The following TENM3 variants were observed in gnomAD, a reference collection of about 807,000 sequenced individuals.
The protein encoded by TENM3 is teneurin-3.
TENM3 carries 63 observed loss-of-function variants against 255.1 expected under a neutral mutation model. That is an observed-to-expected ratio of 0.25 (90% confidence interval 0.20 to 0.30). The LOEUF (loss-of-function observed/expected upper bound fraction) is 0.30. Ranked by LOEUF, TENM3 falls within the 10% of genes least tolerant of loss-of-function variation. The probability of loss-of-function intolerance (pLI) is 1.00; values close to 1 mark genes in which losing one functional copy is unlikely to be tolerated. For synonymous variants in TENM3, 1,306 were observed against 1,322.3 expected (o/e 0.99, Z 0.27); for missense variants, 2,929 against 3,461.1 (o/e 0.85, Z 3.86).
intron 3 of TENM3, among the ~76,000 whole-genome samples, chr4:182,545,689 A>C (rs1348439519): frequency 6.6e-6 from 1 of 152,016 alleles, no homozygotes; most frequent in African/African-American, 2.4e-5. Context: ...GCCCCTGTCA[A>C]CTGGTATGGC....
At chr4:181,629,906 G>A in the TENM3 span, among the ~76,000 whole-genome samples, 1 of 152,216 alleles carries the variant, frequency 6.6e-6, no homozygotes, top group African/African-American at 2.4e-5. Context: ...AGTTTCAGAA[G>A]GAATGGTACC....
intron 1 of TENM3, among the ~76,000 whole-genome samples, chr4:182,274,981 C>T (rs1759901051): frequency 6.6e-6 from 1 of 152,118 alleles, no homozygotes; most frequent in Admixed American, 6.6e-5. Flanking sequence ...CGCACCACCA[C>T]ACCTGGCTAA....
intron 24 of TENM3, among the ~76,000 whole-genome samples, chr4:182,784,338 TGGG>T (rs531784966): frequency 6.6e-6 from 1 of 151,958 alleles, no homozygotes; most frequent in Admixed American, 6.6e-5. Context: ...GTGCCCCTGC[TGGG>T]GGGTGCCTCC....
chr4:182,243,205 C>A (rs1414631187), upstream of TENM3, among the ~76,000 whole-genome samples: 1 of 152,172 alleles, frequency 6.6e-6, no homozygotes, highest in Non-Finnish European at 1.5e-5. Flanking sequence ...ACTTCCACCT[C>A]CCGGGTTCAA....
chr4:182,140,986 T>TCCCA (rs199951374), upstream of TENM3, among the ~76,000 whole-genome samples: 2 of 115,654 alleles, frequency 1.7e-5, no homozygotes, highest in Non-Finnish European at 3.7e-5. Flanking sequence ...GCCCATTATA[T>TCCCA]CCCTCCCCCC....
At chr4:182,340,412 G>A (rs1011826835) in intron 2 of TENM3, among the ~76,000 whole-genome samples, 1 of 152,124 alleles carries the variant, frequency 6.6e-6, no homozygotes. Context: ...GTGGTTATGG[G>A]TATTAACAAC....
chr4:181,832,771 T>G, the TENM3 span, among the ~76,000 whole-genome samples: 9 of 152,342 alleles, frequency 5.9e-5, no homozygotes, highest in Admixed American at 5.9e-4. Flanking sequence ...GCCTTGGGGC[T>G]GGTCGAGGAT....
At chr4:181,600,879 G>A in the TENM3 span, among the ~76,000 whole-genome samples, 1 of 151,730 alleles carries the variant, frequency 6.6e-6, no homozygotes, top group Non-Finnish European at 1.5e-5. Flanking sequence ...GTCTCAATTT[G>A]GGTTCAGGTG....
chr4:181,839,372 T>C, the TENM3 span, among the ~76,000 whole-genome samples: 890 of 55,974 alleles, frequency 0.016, 42 homozygotes, highest in African/African-American at 0.042. Context: ...TATATATATA[T>C]ATATATATAT....
intron 16 of TENM3, among the ~76,000 whole-genome samples, chr4:182,736,340 G>T (rs1403816555): frequency 6.6e-6 from 1 of 152,200 alleles, no homozygotes; most frequent in Middle Eastern, 3.2e-3. Flanking sequence ...CTGCATCCCT[G>T]TTCTGAGCTA....
At chr4:182,486,323 A>C (rs796394986) in intron 3 of TENM3, among the ~76,000 whole-genome samples, 1 of 4,022 alleles carries the variant, frequency 2.5e-4, no homozygotes, top group African/African-American at 1.3e-3. Context: ...TGTGGGGGGG[A>C]GGGTGGGTGG....
At chr4:181,801,904 G>C in the TENM3 span, among the ~76,000 whole-genome samples, 1 of 151,638 alleles carries the variant, frequency 6.6e-6, no homozygotes, top group East Asian at 1.9e-4. Context: ...TTTGAACTTT[G>C]TCCTTGTTCA....
chr4:182,242,062 GT>G, upstream of TENM3, among the ~76,000 whole-genome samples: 1 of 57,490 alleles, frequency 1.7e-5, no homozygotes, highest in African/African-American at 2.2e-4. Context: ...TAGGGTACAT[GT>G]GCACAAGGTG....
chr4:182,514,178 T>C (rs1459843529), intron 3 of TENM3, among the ~76,000 whole-genome samples: 2 of 152,222 alleles, frequency 1.3e-5, no homozygotes, highest in Non-Finnish European at 2.9e-5. Flanking sequence ...CTTCCACTAG[T>C]ACACTATATT....
chr4:181,797,155 A>T, the TENM3 span, among the ~76,000 whole-genome samples: 3 of 150,906 alleles, frequency 2.0e-5, no homozygotes, highest in Non-Finnish European at 4.4e-5. Flanking sequence ...TTTTTTTTTT[A>T]ATCTTTTTTC....
chr4:182,692,359 T>G (rs17327666), intron 12 of TENM3, among the ~76,000 whole-genome samples: 32,753 of 152,186 alleles, frequency 0.22, 3,629 homozygotes, highest in Middle Eastern at 0.26. Context: ...ACCAAATTTT[T>G]ACTACTGCTA....
At chr4:182,141,903 T>A (rs1269109290), upstream of TENM3, 1 of 152,192 alleles carries the variant, frequency 6.6e-6, no homozygotes, top group East Asian at 1.9e-4. Context: ...ATTGGGGCAG[T>A]GTCTCATCTC....
intron 3 of TENM3, among the ~76,000 whole-genome samples, chr4:182,575,783 C>CT (rs1744857058): frequency 6.6e-6 from 1 of 152,048 alleles, no homozygotes; most frequent in African/African-American, 2.4e-5. Flanking sequence ...GTAAGAAATT[C>CT]TTTTTAGATA....
At position 182,755,238 on chromosome 4, in the gene TENM3, C is replaced by T. The variant is rs1762641494; in HGVS notation, c.4871C>T (p.Thr1624Ile). 1.2e-6 allele frequency: 2 copies of T among 1,602,604 alleles called. No homozygotes were observed. Among genetic ancestry groups the T allele is most frequent in the Non-Finnish European group, 1.7e-6 (2 of 1,177,842 alleles). ...SGLLATKSDE[T>I]GWTTFFDYDS... ...CTTTTAGCCACTAAAAGTGATGAAA[C>T]TGGATGGACAACGTTTTTTGAGTAA... Residue 1624 changes from threonine to isoleucine, a missense_variant, in exon 22 of 28, where the codon ACT (threonine) becomes ATT (isoleucine). Physicochemically the swap from Thr to Ile is moderately conservative, Grantham distance 89. This residue lies in a region of TENM3 where 1,608 missense variants were observed against 1,884.4 expected (regional missense o/e 0.85). Transcript: ENST00000511685.
Sources: allele counts gnomAD v4.1 joint callset (sites outside exome capture counted in the v4.1 genomes callset), GRCh38; gene constraint gnomAD v4.1.1; regional missense constraint gnomAD v4.1.1; transcripts MANE v1.5; gene names NCBI Gene and HGNC (gene_info 2026-07-23, HGNC 2026-07-21).